GPHN: variants seen among roughly 807,000 people sequenced by gnomAD.
GPHN encodes gephyrin.
A neutral mutation model predicts 95.5 loss-of-function variants in GPHN; 17 were observed. The observed-to-expected ratio is 0.18, with a 90% CI of 0.12 to 0.27. The LOEUF is 0.27. Ranked by LOEUF, GPHN falls within the 10% of genes least tolerant of loss-of-function variation. GPHN has a pLI of 1.00. For missense variants in GPHN, 660 were observed against 978.1 expected (o/e 0.67, Z 4.34); for synonymous variants, 320 against 322.5 (o/e 0.99, Z 0.08).
chr14:67,671,497 G>C, the GPHN span, among the ~76,000 whole-genome samples: 1 of 152,084 alleles, frequency 6.6e-6, no homozygotes, highest in African/African-American at 2.4e-5. Flanking sequence ...CTGCACTCCA[G>C]CCTGGGCGAC....
At chr14:67,349,114 AAG>A in the GPHN span, 1 of 1,613,280 alleles carries the variant, frequency 6.2e-7, no homozygotes, top group South Asian at 1.1e-5. Flanking sequence ...GCTGCAGAAA[AAG>A]AGAAAGACTT....
chr14:67,198,160 C>T, the GPHN span: 1 of 1,607,856 alleles, frequency 6.2e-7, no homozygotes, highest in South Asian at 1.1e-5. Flanking sequence ...TGTGCAAGCG[C>T]AATGAAGAAG....
At chr14:67,357,158 A>C in the GPHN span, among the ~76,000 whole-genome samples, 1 of 152,186 alleles carries the variant, frequency 6.6e-6, no homozygotes, top group South Asian at 2.1e-4. Flanking sequence ...CTTCCACTCT[A>C]CAATTGTTTT....
chr14:66,617,628 G>A (rs577570466), intron 1 of GPHN, among the ~76,000 whole-genome samples: 2 of 152,200 alleles, frequency 1.3e-5, no homozygotes, highest in Non-Finnish European at 2.9e-5. Context: ...GGGAGCCTCC[G>A]AACATGGCTG....
chr14:67,457,102 G>A, the GPHN span, among the ~76,000 whole-genome samples: 1 of 152,182 alleles, frequency 6.6e-6, no homozygotes, highest in East Asian at 1.9e-4. Flanking sequence ...ATAAAGAAGG[G>A]AACAATAGAC....
intron 4 of GPHN, among the ~76,000 whole-genome samples, chr14:66,834,408 G>C (rs972594294): frequency 6.6e-6 from 1 of 152,020 alleles, no homozygotes; most frequent in Non-Finnish European, 1.5e-5. Flanking sequence ...ATTTAAGACT[G>C]TTAAGTTTTG....
intron 3 of GPHN, among the ~76,000 whole-genome samples, chr14:66,820,388 T>C (rs1407212061): frequency 2.6e-5 from 4 of 152,156 alleles, no homozygotes; most frequent in Non-Finnish European, 5.9e-5. Flanking sequence ...TTTGTTGGAA[T>C]ACTCTGCTCT....
chr14:66,985,715 G>C, intron 9 of GPHN: 1 of 1,530,916 alleles, frequency 6.5e-7, no homozygotes. Context: ...CAAAGGAGTT[G>C]CTAGTAGAGT....
chr14:66,722,208 A>C (rs1394082848), intron 2 of GPHN, among the ~76,000 whole-genome samples: 4 of 152,118 alleles, frequency 2.6e-5, no homozygotes. Context: ...AGTAATCAAA[A>C]TAACTGATAA....
At chr14:66,560,944 A>G (rs1171426564) in intron 1 of GPHN, among the ~76,000 whole-genome samples, 1 of 152,152 alleles carries the variant, frequency 6.6e-6, no homozygotes. Context: ...GAGAGTTTTT[A>G]GTATGAAAGG....
At chr14:66,606,908 C>T (rs1394994900) in intron 1 of GPHN, among the ~76,000 whole-genome samples, 2 of 152,018 alleles carry the variant, frequency 1.3e-5, no homozygotes, top group African/African-American at 4.8e-5. Context: ...ATATGACTTC[C>T]TTTCCTATTT....
At chr14:66,998,804 A>G (rs938251071) in intron 9 of GPHN, among the ~76,000 whole-genome samples, 2 of 151,814 alleles carry the variant, frequency 1.3e-5, no homozygotes, top group South Asian at 4.1e-4. Context: ...GTTGTATAGG[A>G]ACAAGATTTA....
At chr14:67,061,663 C>T (rs1227852649) in intron 11 of GPHN, among the ~76,000 whole-genome samples, 1 of 152,096 alleles carries the variant, frequency 6.6e-6, no homozygotes, top group Non-Finnish European at 1.5e-5. Context: ...TCTCTTACCT[C>T]TAAGGCTTTA....
At chr14:66,748,571 T>C (rs970467940) in intron 2 of GPHN, among the ~76,000 whole-genome samples, 5 of 151,986 alleles carry the variant, frequency 3.3e-5, no homozygotes, top group Non-Finnish European at 7.4e-5. Flanking sequence ...CTGTTGGTGT[T>C]GTATATTCCA....
chr14:67,577,444 C>T, the GPHN span: 1 of 1,350,754 alleles, frequency 7.4e-7, no homozygotes, highest in Non-Finnish European at 1.0e-6. Flanking sequence ...AGGCCCACCG[C>T]TGGGATACTT....
intron 4 of GPHN, among the ~76,000 whole-genome samples, chr14:66,873,937 G>T (rs928905999): frequency 1.3e-5 from 2 of 152,210 alleles, no homozygotes; most frequent in African/African-American, 4.8e-5. Flanking sequence ...GTGGGTCCCT[G>T]ACCCCCATGC....
At chr14:66,984,991 TA>T (rs897816122) in intron 9 of GPHN, among the ~76,000 whole-genome samples, 1 of 151,426 alleles carries the variant, frequency 6.6e-6, no homozygotes, top group African/African-American at 2.4e-5. Flanking sequence ...TGAGTTATTT[TA>T]AAAAAAAAGT....
chr14:67,321,814 C>T, the GPHN span, among the ~76,000 whole-genome samples: 1 of 152,020 alleles, frequency 6.6e-6, no homozygotes. Context: ...TGTATATATG[C>T]TTGTATGTAT....
the GPHN span, among the ~76,000 whole-genome samples, chr14:67,319,737 C>G: frequency 6.6e-6 from 1 of 152,196 alleles, no homozygotes; most frequent in Non-Finnish European, 1.5e-5. Context: ...GTTGGACGAG[C>G]TTGAACTATA....
Sources: allele counts gnomAD v4.1 joint callset (sites outside exome capture counted in the v4.1 genomes callset), GRCh38; gene constraint gnomAD v4.1.1; transcripts MANE v1.5; gene names NCBI Gene and HGNC (gene_info 2026-07-23, HGNC 2026-07-21).